The following RBFOX1 variants were observed in gnomAD, a reference collection of about 807,000 sequenced individuals.
The protein encoded by RBFOX1 is RNA binding protein fox-1 homolog 1.
A neutral mutation model predicts 57.7 loss-of-function variants in RBFOX1; 8 were observed. The observed-to-expected ratio is 0.14, with a 90% CI of 0.08 to 0.25. The LOEUF is 0.25. RBFOX1 is among the 10% of genes least tolerant of loss of function. The probability of loss-of-function intolerance (pLI) is 1.00; values close to 1 mark genes in which losing one functional copy is unlikely to be tolerated. For missense variants in RBFOX1, 611 were observed against 548.5 expected (o/e 1.11, Z -1.14); for synonymous variants, 326 against 222.4 (o/e 1.47, Z -4.15).
chr16:6,020,706 G>T (rs1033919231), intron 1 of RBFOX1, among the ~76,000 whole-genome samples: 13 of 152,230 alleles, frequency 8.5e-5, no homozygotes, highest in Admixed American at 2.0e-4. Flanking sequence ...GCCAGGGGGG[G>T]GCTTGTCAGC....
chr16:5,356,513 G>C (rs371065412), intron 1 of RBFOX1, among the ~76,000 whole-genome samples: 54 of 152,264 alleles, frequency 3.5e-4, no homozygotes, highest in African/African-American at 1.2e-3. Context: ...CTGTGCTTTG[G>C]GGGAAAGGAT....
intron 4 of RBFOX1, among the ~76,000 whole-genome samples, chr16:7,465,402 C>T (rs1287433524): frequency 6.6e-6 from 1 of 152,176 alleles, no homozygotes; most frequent in Admixed American, 6.5e-5. Flanking sequence ...GTCTCAGTGC[C>T]TCAGCTGTAC....
intron 4 of RBFOX1, among the ~76,000 whole-genome samples, chr16:5,917,825 C>G (rs1242985712): frequency 1.3e-5 from 2 of 152,186 alleles, no homozygotes; most frequent in Admixed American, 6.5e-5. Context: ...TGACTCTTCT[C>G]TGTTTGAAAT....
At chr16:6,143,160 G>T (rs985469704) in intron 1 of RBFOX1, among the ~76,000 whole-genome samples, 1 of 152,134 alleles carries the variant, frequency 6.6e-6, no homozygotes, top group Non-Finnish European at 1.5e-5. Context: ...CCCTCTTAAC[G>T]TTTTTGTTTA....
intron 4 of RBFOX1, among the ~76,000 whole-genome samples, chr16:7,487,788 A>G (rs773983960): frequency 2.0e-5 from 3 of 152,092 alleles, no homozygotes; most frequent in Non-Finnish European, 4.4e-5. Flanking sequence ...ACAACCTAAG[A>G]GCCTCTTCAG....
chr16:6,881,850 G>A (rs1335300502), intron 3 of RBFOX1, among the ~76,000 whole-genome samples: 2 of 140,638 alleles, frequency 1.4e-5, no homozygotes, highest in South Asian at 4.4e-4. Flanking sequence ...GGAAACTGAG[G>A]CTGAAAAATC....
chr16:6,894,066 AATAG>A (rs1412636846), intron 3 of RBFOX1, among the ~76,000 whole-genome samples: 5 of 152,158 alleles, frequency 3.3e-5, no homozygotes, highest in Non-Finnish European at 5.9e-5. Context: ...ATACTGGATC[AATAG>A]ATAGATACTG....
At chr16:5,432,844 G>T (rs1395117737) in intron 1 of RBFOX1, among the ~76,000 whole-genome samples, 1 of 151,876 alleles carries the variant, frequency 6.6e-6, no homozygotes, top group African/African-American at 2.4e-5. Flanking sequence ...GGAGTGCAGT[G>T]GCGCAATCTC....
At chr16:7,156,513 A>T (rs941514528) in intron 4 of RBFOX1, among the ~76,000 whole-genome samples, 8 of 152,244 alleles carry the variant, frequency 5.3e-5, no homozygotes, top group African/African-American at 1.9e-4. Flanking sequence ...ACATGTACAC[A>T]TGCATGTAGA....
At chr16:6,534,951 G>C (rs960828102) in intron 2 of RBFOX1, among the ~76,000 whole-genome samples, 4 of 152,104 alleles carry the variant, frequency 2.6e-5, no homozygotes, top group African/African-American at 9.7e-5. Flanking sequence ...AAACTTGTTT[G>C]GTTTCTGTAG....
At chr16:6,821,761 C>G (rs534210695) in intron 3 of RBFOX1, among the ~76,000 whole-genome samples, 1 of 152,218 alleles carries the variant, frequency 6.6e-6, no homozygotes, top group African/African-American at 2.4e-5. Context: ...AGAAATGAAC[C>G]AATTTTTTCA....
chr16:6,373,066 A>G (rs1450868533), intron 2 of RBFOX1, among the ~76,000 whole-genome samples: 1 of 149,926 alleles, frequency 6.7e-6, no homozygotes, highest in Non-Finnish European at 1.5e-5. Flanking sequence ...ATGGAAGGAT[A>G]GTTCATTGTG....
intron 4 of RBFOX1, among the ~76,000 whole-genome samples, chr16:7,349,919 G>T (rs1218739541): frequency 6.6e-6 from 1 of 152,186 alleles, no homozygotes; most frequent in Non-Finnish European, 1.5e-5. Context: ...GGCCGAGGTG[G>T]GTGGATCACT....
At chr16:6,654,698 C>G (rs548631340) in intron 3 of RBFOX1, 48 bp downstream of exon 3, 1 of 1,415,764 alleles carries the variant, frequency 7.1e-7, no homozygotes, top group East Asian at 2.6e-5. Flanking sequence ...AACAAGAACT[C>G]TGTGAATTGA....
intron 4 of RBFOX1, among the ~76,000 whole-genome samples, chr16:7,362,975 C>T (rs1011917846): frequency 1.3e-5 from 2 of 152,082 alleles, no homozygotes; most frequent in Admixed American, 6.5e-5. Context: ...GCTTTTGTTT[C>T]CTAATTTTTG....
intron 2 of RBFOX1, among the ~76,000 whole-genome samples, chr16:6,624,707 AAAAC>A (rs2098279543): frequency 6.6e-6 from 1 of 152,210 alleles, no homozygotes; most frequent in Admixed American, 6.5e-5. Context: ...ACGTCGTTGT[AAAAC>A]AAAGAAAGAA....
chr16:5,328,428 G>A (rs6500681), intron 1 of RBFOX1, among the ~76,000 whole-genome samples: 28,297 of 152,172 alleles, frequency 0.19, 3,469 homozygotes, highest in African/African-American at 0.35. Context: ...TTGTGAGGAA[G>A]TACATTTCTG....
At chr16:7,312,918 G>A (rs2096350336) in intron 4 of RBFOX1, among the ~76,000 whole-genome samples, 1 of 151,984 alleles carries the variant, frequency 6.6e-6, no homozygotes, top group Admixed American at 6.5e-5. Context: ...AGCTCTCTGG[G>A]GGCCCCAGGG....
intron 2 of RBFOX1, among the ~76,000 whole-genome samples, chr16:6,368,632 T>C (rs1048406086): frequency 1.3e-5 from 2 of 152,224 alleles, no homozygotes; most frequent in Non-Finnish European, 1.5e-5. Context: ...TAGAAGAGTA[T>C]ATGTTTATCT....
Sources: allele counts gnomAD v4.1 joint callset (sites outside exome capture counted in the v4.1 genomes callset), GRCh38; gene constraint gnomAD v4.1.1; transcripts MANE v1.5; gene names NCBI Gene and HGNC (gene_info 2026-07-23, HGNC 2026-07-21).